GRM8: variants seen among roughly 807,000 people sequenced by gnomAD.
GRM8 encodes glutamate metabotropic receptor 8, also known as metabotropic glutamate receptor 8.
Under a neutral mutation model 87.2 loss-of-function variants are expected in GRM8, and 47 were observed. That is an observed-to-expected ratio of 0.54 (90% CI 0.43 to 0.69). GRM8 has a LOEUF of 0.69. Ranked by LOEUF, GRM8 falls within the 30% of genes least tolerant of loss-of-function variation. The pLI, the probability that GRM8 is intolerant of heterozygous loss-of-function variation, is 0.00. For synonymous variants in GRM8, 396 were observed against 404.5 expected (o/e 0.98, Z 0.25); for missense variants, 1,019 against 1,139.2 (o/e 0.89, Z 1.52).
intron 9 of GRM8, among the ~76,000 whole-genome samples, chr7:126,465,630 T>C (rs981169128): frequency 2.0e-5 from 3 of 151,846 alleles, no homozygotes; most frequent in African/African-American, 2.4e-5. Flanking sequence ...ATTCCTTCTA[T>C]ATAGAAATGT....
chr7:127,065,464 T>C (rs1821014829), intron 3 of GRM8, among the ~76,000 whole-genome samples: 2 of 152,192 alleles, frequency 1.3e-5, no homozygotes, highest in South Asian at 2.1e-4. Flanking sequence ...ACAAACCCCA[T>C]GACACTTGTT....
At chr7:126,493,413 G>A (rs1808287219) in intron 9 of GRM8, among the ~76,000 whole-genome samples, 1 of 152,020 alleles carries the variant, frequency 6.6e-6, no homozygotes, top group South Asian at 2.1e-4. Flanking sequence ...GAAATTGAGT[G>A]AAGTTTCTCT....
At chr7:127,090,659 C>T (rs547877172) in intron 3 of GRM8, among the ~76,000 whole-genome samples, 1 of 152,222 alleles carries the variant, frequency 6.6e-6, no homozygotes, top group African/African-American at 2.4e-5. Flanking sequence ...CCAACTGAAA[C>T]CTGTCCCTAA....
chr7:126,447,559 C>A (rs1802150499), intron 9 of GRM8, among the ~76,000 whole-genome samples: 1 of 151,844 alleles, frequency 6.6e-6, no homozygotes, highest in Non-Finnish European at 1.5e-5. Flanking sequence ...ATCTGGCAAT[C>A]CTCAAGACCA....
rs529825980 is a variant in GRM8, at chr7:126,686,261, G to A, written c.1358-76763C>T. ...TAAAGCTCCTCTTTGTCTTGCTCAC[G>A]CTCCACTTGTCTGCATATTTCATTC... On this transcript the variant is annotated intron_variant, in intron 7 of 10. Transcript: ENST00000339582. Among the ~76,000 whole-genome samples, 8 of 152,150 alleles carry A rather than the reference G, an allele frequency of 5.3e-5. No individual in the cohort carries two copies. In the East Asian group the frequency reaches 5.8e-4, roughly 11 times the overall value.
chr7:126,521,020 AT>A (rs756461269), intron 9 of GRM8, among the ~76,000 whole-genome samples: 2 of 152,178 alleles, frequency 1.3e-5, no homozygotes, highest in Non-Finnish European at 2.9e-5. Context: ...CTGCCTGCTG[AT>A]GTAAACACTT....
intron 2 of GRM8, among the ~76,000 whole-genome samples, chr7:127,107,899 G>T (rs1408672924): frequency 6.6e-6 from 1 of 152,204 alleles, no homozygotes; most frequent in Non-Finnish European, 1.5e-5. Flanking sequence ...CCCGGGAGCA[G>T]CAGCAGAGCA....
intron 3 of GRM8, among the ~76,000 whole-genome samples, chr7:127,104,711 A>C (rs1307353571): frequency 3.9e-5 from 6 of 152,196 alleles, no homozygotes; most frequent in African/African-American, 1.4e-4. Context: ...AAGGCACCAA[A>C]ATTATTTTCT....
At chr7:126,472,151 C>T (rs1805344454) in intron 9 of GRM8, among the ~76,000 whole-genome samples, 2 of 152,138 alleles carry the variant, frequency 1.3e-5, no homozygotes, top group Non-Finnish European at 2.9e-5. Context: ...AATTTGACTT[C>T]CTCTTTTCCT....
chr7:127,117,761 C>G (rs986566291), intron 2 of GRM8, among the ~76,000 whole-genome samples: 1 of 152,202 alleles, frequency 6.6e-6, no homozygotes, highest in African/African-American at 2.4e-5. Flanking sequence ...TTTAATTTTC[C>G]TCTTCTGCTG....
At chr7:126,524,386 A>G (rs1813509697) in intron 9 of GRM8, among the ~76,000 whole-genome samples, 1 of 152,226 alleles carries the variant, frequency 6.6e-6, no homozygotes, top group Admixed American at 6.5e-5. Flanking sequence ...ACTTTGCTCA[A>G]TTCTGTTTAG....
chr7:127,180,014 C>T (rs1171627987), intron 2 of GRM8, among the ~76,000 whole-genome samples: 1 of 151,664 alleles, frequency 6.6e-6, no homozygotes, highest in African/African-American at 2.4e-5. Context: ...CAGAGCAGAA[C>T]TAAATGAAAT....
chr7:126,516,913 T>C (rs1012289941), intron 9 of GRM8, among the ~76,000 whole-genome samples: 1 of 152,092 alleles, frequency 6.6e-6, no homozygotes, highest in African/African-American at 2.4e-5. Flanking sequence ...AAACACATAT[T>C]TAAAGATTTC....
intron 3 of GRM8, among the ~76,000 whole-genome samples, chr7:126,936,648 G>A (rs1168344057): frequency 6.6e-6 from 1 of 152,160 alleles, no homozygotes; most frequent in African/African-American, 2.4e-5. Context: ...TGTTTCCTAA[G>A]GACAATGTTC....
intron 7 of GRM8, among the ~76,000 whole-genome samples, chr7:126,655,071 T>C (rs1804353867): frequency 6.6e-6 from 1 of 152,132 alleles, no homozygotes; most frequent in African/African-American, 2.4e-5. Flanking sequence ...AGAACATACA[T>C]AAAATGGATG....
chr7:127,241,451 T>G (rs1798292948), intron 2 of GRM8, among the ~76,000 whole-genome samples: 1 of 140,308 alleles, frequency 7.1e-6, no homozygotes, highest in African/African-American at 2.8e-5. Flanking sequence ...TTTTTTTTTT[T>G]GAGACAGAGT....
chr7:127,187,138 C>A (rs759318303), intron 2 of GRM8, among the ~76,000 whole-genome samples: 5 of 152,022 alleles, frequency 3.3e-5, no homozygotes, highest in Admixed American at 6.6e-5. Flanking sequence ...AGATCTCCTA[C>A]TCTAGTTGAG....
At chr7:127,007,219 T>C (rs540553172) in intron 3 of GRM8, among the ~76,000 whole-genome samples, 1 of 152,154 alleles carries the variant, frequency 6.6e-6, no homozygotes, top group East Asian at 1.9e-4. Context: ...GTTGGCATGG[T>C]AGATACAGTA....
intron 2 of GRM8, among the ~76,000 whole-genome samples, chr7:127,121,487 A>G (rs1046213055): frequency 6.6e-6 from 1 of 152,208 alleles, no homozygotes; most frequent in African/African-American, 2.4e-5. Context: ...CACAGGGGCT[A>G]CAGTGAGCAT....
Sources: gnomAD v4.1 joint callset for allele counts (sites outside exome capture counted in the v4.1 genomes callset) on GRCh38, gnomAD v4.1.1 for gene constraint, MANE v1.5 for transcripts, NCBI Gene and HGNC (gene_info 2026-07-23, HGNC 2026-07-21) for gene names.